DOP1B: variants seen among roughly 807,000 people sequenced by gnomAD.
DOP1B encodes DOP1 leucine zipper like protein B.
A neutral mutation model predicts 233.5 loss-of-function variants in DOP1B; 174 were observed. The observed-to-expected ratio is 0.75, with a 90% CI of 0.66 to 0.85. DOP1B has a LOEUF of 0.85. Among genes scored for constraint, DOP1B ranks in the 40% least tolerant of loss-of-function variants. DOP1B has a pLI of 0.00. For missense variants in DOP1B, 2,652 were observed against 2,846.6 expected (o/e 0.93, Z 1.56); for synonymous variants, 1,190 against 1,185.6 (o/e 1.00, Z -0.08).
At chr21:36,186,421 T>C (rs2066166669) in intron 2 of DOP1B, among the ~76,000 whole-genome samples, 1 of 151,882 alleles carries the variant, frequency 6.6e-6, no homozygotes, top group Non-Finnish European at 1.5e-5. Context: ...GTAGAGGGTG[T>C]GTGTGTGTAT....
intron 2 of DOP1B, among the ~76,000 whole-genome samples, chr21:36,196,691 G>A (rs527477021): frequency 9.2e-5 from 14 of 152,196 alleles, no homozygotes; most frequent in South Asian, 2.1e-4. Flanking sequence ...GGAGGATTGC[G>A]TGAGCCCAGG....
At chr21:36,263,053 G>A (rs904743823) in intron 24 of DOP1B, among the ~76,000 whole-genome samples, 11 of 151,918 alleles carry the variant, frequency 7.2e-5, no homozygotes, top group East Asian at 5.8e-4. Context: ...TGGGCAACAC[G>A]GTGAAACCCC....
chr21:36,211,943 C>T, intron 6 of DOP1B, 31 bp from the exon 7 acceptor site: 3 of 1,613,560 alleles, frequency 1.9e-6, no homozygotes, highest in Non-Finnish European at 2.5e-6. Context: ...CTATCATTCC[C>T]TTGCAGTAAA....
At chr21:36,210,284 G>A (rs1056918944) in intron 5 of DOP1B, among the ~76,000 whole-genome samples, 11 of 152,108 alleles carry the variant, frequency 7.2e-5, no homozygotes, top group African/African-American at 2.7e-4. Context: ...TGAGGCAGGT[G>A]AATCACTTGA....
chr21:36,197,311 CTT>C lies in DOP1B; in HGVS notation c.139-1758_139-1757del, dbSNP rs1475710621. On this transcript the variant is annotated intron_variant, in intron 2 of 36. Coordinates refer to ENST00000691173, the MANE Select transcript of DOP1B (RefSeq NM_001320714.2). ...CCACAGATATCTGATGAAAAATATT[CTT>C]GTTTTCCTTGTCTTCCTTTCATGTC... 4.6e-5 allele frequency among the ~76,000 whole-genome samples: 7 copies of C among 152,236 alleles called. No homozygotes were observed. The East Asian group carries it at 1.2e-3, about 25-fold the overall frequency.
chr21:36,227,012 T>C (rs1380347725), intron 12 of DOP1B, among the ~76,000 whole-genome samples: 1 of 151,598 alleles, frequency 6.6e-6, no homozygotes, highest in Non-Finnish European at 1.5e-5. Flanking sequence ...GAGACCACCC[T>C]GGCTAACACG....
chr21:36,257,567 G>T (rs1035775246), intron 23 of DOP1B, among the ~76,000 whole-genome samples: 1 of 151,916 alleles, frequency 6.6e-6, no homozygotes, highest in Non-Finnish European at 1.5e-5. Flanking sequence ...AGACAAACAC[G>T]TAAAAACATA....
chr21:36,205,745 C>T (rs1463961434), intron 4 of DOP1B, among the ~76,000 whole-genome samples: 2 of 151,538 alleles, frequency 1.3e-5, no homozygotes, highest in Non-Finnish European at 2.9e-5. Flanking sequence ...GTGGCTCATG[C>T]CTGTAATTCC....
intron 2 of DOP1B, among the ~76,000 whole-genome samples, chr21:36,187,238 G>A (rs988937780): frequency 2.3e-5 from 3 of 132,588 alleles, no homozygotes; most frequent in South Asian, 5.0e-4. Context: ...TCCCGGGGGA[G>A]GGTGCTTGAC....
At chr21:36,238,465 A>G (rs2066852418) in intron 16 of DOP1B, 136 bp from the exon 17 acceptor site, 1 of 691,684 alleles carries the variant, frequency 1.4e-6, no homozygotes, top group Admixed American at 2.4e-5. Context: ...TCAAAGGAGA[A>G]TGCAGCGTCT....
At chr21:36,165,267 T>C (rs182888991) in intron 2 of DOP1B, among the ~76,000 whole-genome samples, 278 of 152,348 alleles carry the variant, frequency 1.8e-3, no homozygotes, top group Middle Eastern at 0.014. Flanking sequence ...CAAAGACTGT[T>C]CTTTGTATAC....
At chr21:36,186,262 TA>T (rs2066164806) in intron 2 of DOP1B, among the ~76,000 whole-genome samples, 1 of 152,088 alleles carries the variant, frequency 6.6e-6, no homozygotes, top group Non-Finnish European at 1.5e-5. Context: ...TCATCTTAAC[TA>T]AGAGATTGGG....
At chr21:36,167,046 C>G (rs1247719961) in intron 2 of DOP1B, among the ~76,000 whole-genome samples, 1 of 152,180 alleles carries the variant, frequency 6.6e-6, no homozygotes, top group African/African-American at 2.4e-5. Context: ...CAGACTTGCT[C>G]TGAAGGTGGA....
Position 36,245,276 on chromosome 21 carries a change from C to T in DOP1B, c.3296C>T (p.Thr1099Met), listed in dbSNP as rs962450665. ...LPYYVELPDRTAHGAPDSSEH... is the reference protein window; with the variant it reads ...LPYYVELPDRMAHGAPDSSEH... ...TACTACGTGGAGCTTCCAGACAGGA[C>T]GGCCCACGGCGCCCCGGACAGCAGC... Residue 1099 changes from threonine to methionine, a missense_variant, in exon 19 of 37, where the codon ACG (threonine) becomes ATG (methionine). Thr to Met is a moderately conservative substitution (Grantham distance 81). Around this residue, in one of 3 missense-constraint regions of DOP1B, gnomAD observed 2,617 missense variants for 2,794.3 expected, o/e 0.94. Transcript: ENST00000691173. The surrounding 1 kb of genome is among the most constrained non-coding windows in gnomAD (Gnocchi z 5.5). The T allele has an allele frequency of 1.6e-5, 26 of 1,613,978 alleles. No individual in the cohort carries two copies. In the Admixed American group the frequency reaches 2.2e-4, roughly 13 times the overall value.
intron 2 of DOP1B, among the ~76,000 whole-genome samples, chr21:36,184,340 C>T (rs562422870): frequency 8.5e-5 from 13 of 152,234 alleles, no homozygotes; most frequent in African/African-American, 2.4e-4. Context: ...TGAGCCACCA[C>T]GCCCGGCCTA....
intron 4 of DOP1B, among the ~76,000 whole-genome samples, chr21:36,203,991 G>A (rs1026912831): frequency 2.0e-5 from 3 of 152,114 alleles, no homozygotes; most frequent in Non-Finnish European, 4.4e-5. Flanking sequence ...GATGAGGAGA[G>A]GTGAATGTTT....
At chr21:36,167,166 C>CT (rs2065919538) in intron 2 of DOP1B, among the ~76,000 whole-genome samples, 1 of 152,068 alleles carries the variant, frequency 6.6e-6, no homozygotes, top group South Asian at 2.1e-4. Context: ...GAACAGCCTA[C>CT]TTTTTCTTTC....
At chr21:36,277,932 G>T (rs770639161) in intron 28 of DOP1B, 43 bp from the exon 29 acceptor site, 2 of 1,529,414 alleles carry the variant, frequency 1.3e-6, no homozygotes, top group East Asian at 2.3e-5. Context: ...GTGAGCCGTC[G>T]CACCTGGCCA....
intron 7 of DOP1B, among the ~76,000 whole-genome samples, chr21:36,212,343 C>G (rs1279142212): frequency 6.6e-6 from 1 of 152,134 alleles, no homozygotes; most frequent in African/African-American, 2.4e-5. Flanking sequence ...CAACTGAATT[C>G]CATTTAAGAG....
Sources: allele counts gnomAD v4.1 joint callset (sites outside exome capture counted in the v4.1 genomes callset), GRCh38; gene constraint gnomAD v4.1.1; regional missense constraint gnomAD v4.1.1; non-coding constraint Gnocchi (gnomAD v3.1); transcripts MANE v1.5; gene names NCBI Gene and HGNC (gene_info 2026-07-23, HGNC 2026-07-21).